Variants in UBQLN1 observed in about 807,000 individuals in gnomAD.
UBQLN1 encodes ubiquilin 1, also known as ubiquilin-1.
A neutral mutation model predicts 65.4 loss-of-function variants in UBQLN1; 13 were observed. That is an observed-to-expected ratio of 0.20 (90% CI 0.13 to 0.32). UBQLN1 has a LOEUF of 0.32. UBQLN1 is among the 10% of genes least tolerant of loss of function. UBQLN1 has a pLI of 1.00. For missense variants in UBQLN1, 561 were observed against 724.0 expected (o/e 0.77, Z 2.58); for synonymous variants, 267 against 247.8 (o/e 1.08, Z -0.73).
At chr9:83,681,117 A>C (rs185726946) in intron 3 of UBQLN1, among the ~76,000 whole-genome samples, 50 of 152,330 alleles carry the variant, frequency 3.3e-4, no homozygotes, top group Admixed American at 3.2e-3. Flanking sequence ...ATTCACCTAT[A>C]AACACTGGGT....
In UBQLN1 at chr9:83,669,292, A is replaced by C. The variant is rs1831693491; in HGVS notation, c.1141T>G (p.Leu381Val). Residue 381 changes from leucine to valine, a missense_variant, in exon 7 of 11, where the codon TTG becomes GTG. Transcript: ENST00000376395. ...TGTGGGTTTTCAGTTATTTGTTGCA[A>C]CAAGCTCTGCATTCCTGGTGTGTTG... is the stretch of plus-strand genomic sequence containing the variant. Reference protein sequence around the residue: ...MFNTPGMQSLLQQITENPQLM... With the variant: ...MFNTPGMQSLVQQITENPQLM... 6.2e-7 allele frequency: 1 copy of C among 1,611,952 alleles called. No homozygotes were observed. Among genetic ancestry groups the C allele is most frequent in the Non-Finnish European group, 8.5e-7 (1 of 1,179,596 alleles).
At chr9:83,700,952 G>T (rs900704619) in intron 1 of UBQLN1, among the ~76,000 whole-genome samples, 2 of 152,294 alleles carry the variant, frequency 1.3e-5, no homozygotes, top group African/African-American at 2.4e-5. Context: ...ATGGCTGGTG[G>T]GAGAGTTATA....
At chr9:83,687,625 G>A (rs1379571068) in intron 1 of UBQLN1, among the ~76,000 whole-genome samples, 1 of 152,188 alleles carries the variant, frequency 6.6e-6, no homozygotes, top group South Asian at 2.1e-4. Flanking sequence ...AAAAAATCTT[G>A]TGGGGACAAG....
At chr9:83,690,393 C>T (rs79268870) in intron 1 of UBQLN1, among the ~76,000 whole-genome samples, 1,573 of 152,106 alleles carry the variant, frequency 0.01, 27 homozygotes, top group African/African-American at 0.037. Context: ...GGACAAAATC[C>T]ATGGTGCCCA....
At chr9:83,689,364 A>T (rs1486892925) in intron 1 of UBQLN1, among the ~76,000 whole-genome samples, 2 of 152,230 alleles carry the variant, frequency 1.3e-5, no homozygotes, top group African/African-American at 2.4e-5. Flanking sequence ...TATTATAAAC[A>T]ATGTGATACA....
intron 1 of UBQLN1, among the ~76,000 whole-genome samples, chr9:83,706,264 A>G (rs977335338): frequency 1.3e-4 from 20 of 152,256 alleles, no homozygotes; most frequent in African/African-American, 4.6e-4. Flanking sequence ...ATAATCGATT[A>G]TAATACCGTA....
chr9:83,674,848 A>T (rs531257554), intron 6 of UBQLN1, among the ~76,000 whole-genome samples: 84 of 152,322 alleles, frequency 5.5e-4, no homozygotes, highest in African/African-American at 1.9e-3. Context: ...ACCATTTTTT[A>T]AAAAGTTGAG....
rs1397567466 is a variant in UBQLN1, at chr9:83,661,051, T to C, written c.*736A>G. ...GAATGAATGTTGAGACAATGTTACA[T>C]TATGTGTCTGTACAATTAATTGTCC... On this transcript the variant is annotated 3_prime_UTR_variant, in exon 11 of 11. Coordinates refer to ENST00000376395, the MANE Select transcript of UBQLN1 (RefSeq NM_013438.5). 6.6e-6 allele frequency: 1 copy of C among 152,216 alleles called. No homozygotes were observed. Among genetic ancestry groups the C allele is most frequent in the African/African-American group, 2.4e-5 (1 of 41,460 alleles). The allele number at this position is 152,216 out of a possible 1,614,324, so 9.4% of individuals were successfully genotyped here.
intron 3 of UBQLN1, among the ~76,000 whole-genome samples, chr9:83,682,030 T>C (rs1366615846): frequency 6.6e-6 from 1 of 152,044 alleles, no homozygotes; most frequent in Non-Finnish European, 1.5e-5. Flanking sequence ...CTATCTATTA[T>C]CAAAAGAAAA....
chr9:83,698,090 T>C (rs1832249997), intron 1 of UBQLN1, among the ~76,000 whole-genome samples: 1 of 152,194 alleles, frequency 6.6e-6, no homozygotes, highest in Admixed American at 6.5e-5. Context: ...CATAAAGTTA[T>C]GTGACATTTT....
chr9:83,680,778 C>T (rs966374313), intron 3 of UBQLN1, among the ~76,000 whole-genome samples: 1 of 152,142 alleles, frequency 6.6e-6, no homozygotes, highest in East Asian at 1.9e-4. Context: ...AATTATTGAA[C>T]CTGAGGAGGA....
At chr9:83,664,984 A>G (rs761465650) in intron 9 of UBQLN1, 46 bp downstream of exon 9, 1 of 1,344,028 alleles carries the variant, frequency 7.4e-7, no homozygotes, top group Middle Eastern at 1.9e-4. Flanking sequence ...ATTCTCAGAG[A>G]AAGTAACCAT....
At chr9:83,692,923 A>C (rs1246927222) in intron 1 of UBQLN1, among the ~76,000 whole-genome samples, 3 of 152,186 alleles carry the variant, frequency 2.0e-5, no homozygotes, top group Non-Finnish European at 2.9e-5. Context: ...TAAAGGAAGA[A>C]TTTTTGTAAT....
chr9:83,696,988 C>T (rs1257229509), intron 1 of UBQLN1, among the ~76,000 whole-genome samples: 3 of 152,130 alleles, frequency 2.0e-5, no homozygotes, highest in African/African-American at 7.2e-5. Flanking sequence ...GTTGCCCAGG[C>T]TGGCGTGGAA....
rs560773838 is a variant in UBQLN1 at position 83,704,586 on chromosome 9, G to A, written c.180+2914C>T. Reference sequence around the variant, plus strand: ...TCACACCTGTAATCCTAGCACTTTGGGAAGCCGAGGCAGGCGGATCACAAG... The same window carrying A: ...TCACACCTGTAATCCTAGCACTTTGAGAAGCCGAGGCAGGCGGATCACAAG... On this transcript the variant is annotated intron_variant, in intron 1 of 10. Transcript: ENST00000376395. Among the ~76,000 whole-genome samples the A allele has an allele frequency of 3.3e-5, 5 of 149,690 alleles. No homozygotes were observed. The South Asian group carries it at 1.0e-3, about 31-fold the overall frequency.
At chr9:83,694,583 T>C (rs1832178756) in intron 1 of UBQLN1, among the ~76,000 whole-genome samples, 4 of 152,202 alleles carry the variant, frequency 2.6e-5, no homozygotes, top group African/African-American at 9.6e-5. Context: ...CAGCCACAAA[T>C]GTTAGTGTAT....
chr9:83,692,306 C>T (rs1832141334), intron 1 of UBQLN1, among the ~76,000 whole-genome samples: 3 of 152,148 alleles, frequency 2.0e-5, no homozygotes, highest in South Asian at 4.1e-4. Context: ...ATTCTGCTTC[C>T]TACAGAATAA....
chr9:83,701,729 G>A (rs1190599645), intron 1 of UBQLN1, among the ~76,000 whole-genome samples: 2 of 151,822 alleles, frequency 1.3e-5, no homozygotes, highest in African/African-American at 2.4e-5. Context: ...AATGTAAAAT[G>A]GTACAGACAC....
chr9:83,674,197 AAT>A (rs1273512259), intron 6 of UBQLN1, among the ~76,000 whole-genome samples: 2 of 151,984 alleles, frequency 1.3e-5, no homozygotes, highest in African/African-American at 4.8e-5. Flanking sequence ...AAAAAAAAAA[AAT>A]AACCAGTATA....
Sources: gnomAD v4.1 joint callset for allele counts (sites outside exome capture counted in the v4.1 genomes callset) on GRCh38, gnomAD v4.1.1 for gene constraint, MANE v1.5 for transcripts, NCBI Gene and HGNC (gene_info 2026-07-23, HGNC 2026-07-21) for gene names.